JARID2: variants seen among roughly 807,000 people sequenced by gnomAD.
JARID2 encodes protein Jumonji.
A neutral mutation model predicts 125.6 loss-of-function variants in JARID2; 21 were observed. The ratio of observed to expected loss-of-function variants is 0.17; its 90% CI spans 0.12 to 0.24. The LOEUF (loss-of-function observed/expected upper bound fraction) is 0.24. Among genes scored for constraint, JARID2 ranks in the 10% least tolerant of loss-of-function variants. The probability of loss-of-function intolerance (pLI) is 1.00; values close to 1 mark genes in which losing one functional copy is unlikely to be tolerated. For synonymous variants in JARID2, 736 were observed against 661.6 expected, an observed-to-expected ratio of 1.11 and a Z score of -1.73; for missense variants, 1,303 against 1,639.6, an observed-to-expected ratio of 0.79 and a Z score of 3.55.
At chr6:15,409,827 A>C (rs958125376) in intron 2 of JARID2, among the ~76,000 whole-genome samples, 1 of 152,240 alleles carries the variant, frequency 6.6e-6, no homozygotes, top group African/African-American at 2.4e-5. Flanking sequence ...AGGCAATTCC[A>C]GAAAGGATTT....
At chr6:15,353,082 G>C (rs1283996609) in intron 1 of JARID2, among the ~76,000 whole-genome samples, 2 of 152,088 alleles carry the variant, frequency 1.3e-5, no homozygotes, top group African/African-American at 4.8e-5. Flanking sequence ...TGAATTTCTG[G>C]GTCACATGGC....
Position 15,422,903 on chromosome 6 carries a change from C to T in JARID2, c.323+12538C>T, listed in dbSNP as rs116422823. On this transcript the variant is annotated intron_variant, in intron 3 of 17. Coordinates refer to ENST00000341776, the MANE Select transcript of JARID2 (RefSeq NM_004973.4). ...GCAGCTCCTTTTTTCTCATTAATGA[C>T]GCCTGTTGTTGAGTCCATCTTGTCT... 7.5e-3 allele frequency among the ~76,000 whole-genome samples: 1,146 copies of T among 151,940 alleles called. 14 individuals are homozygous for T. Among genetic ancestry groups the T allele is most frequent in the African/African-American group, 0.026 (1,065 of 41,436 alleles).
chr6:15,398,053 A>C (rs1765283670), intron 2 of JARID2, among the ~76,000 whole-genome samples: 1 of 152,224 alleles, frequency 6.6e-6, no homozygotes, highest in Non-Finnish European at 1.5e-5. Context: ...GTTGGAAAAA[A>C]CCCAATTCCC....
At chr6:15,427,337 T>C (rs1232132145) in intron 3 of JARID2, among the ~76,000 whole-genome samples, 3 of 152,240 alleles carry the variant, frequency 2.0e-5, no homozygotes, top group Non-Finnish European at 4.4e-5. Context: ...CATTATTTGC[T>C]TCAGGCTCCT....
chr6:15,495,396 G>T (rs1455048644), intron 6 of JARID2, among the ~76,000 whole-genome samples: 1 of 152,156 alleles, frequency 6.6e-6, no homozygotes, highest in South Asian at 2.1e-4. Context: ...GTGTGCAGAC[G>T]AGGGTTGGCA....
rs377723819 is a variant in JARID2 at position 15,452,127 on chromosome 6, A to G, written c.445A>G (p.Lys149Glu). ...PPATQISDLS[K>E]RKPKTEDFLT... ...AGCTACTCAGATATCAGACCTCTCT[A>G]AAAGGAAGCCTAAGACAGAAGATTT... is the stretch of plus-strand genomic sequence containing the variant. The change falls in exon 4 of 18, where the codon AAA (lysine) becomes GAA (glutamate). Residue 149 changes from lysine (K) to glutamate (E), a missense_variant. Transcript: ENST00000341776. 1.9e-6 allele frequency: 3 copies of G among 1,614,118 alleles called. No individual in the cohort carries two copies.
At position 15,263,610 on chromosome 6, in the gene JARID2, T is replaced by G. The variant is rs1759969888; in HGVS notation, c.45+17026T>G. 2.0e-5 allele frequency among the ~76,000 whole-genome samples: 3 copies of G among 150,752 alleles called. No homozygotes were observed. The South Asian group carries it at 6.3e-4, about 32-fold the overall frequency. On this transcript the variant is annotated intron_variant, in intron 1 of 17. Transcript: ENST00000341776. Reference sequence around the variant, plus strand: ...CAGACAATTTTTTTTTTTTTTTTTTTGAGACAGAGTCTCACTTTGTCGCCC... The same window carrying G: ...CAGACAATTTTTTTTTTTTTTTTTTGGAGACAGAGTCTCACTTTGTCGCCC...
chr6:15,431,292 T>C (rs1394888216), intron 3 of JARID2, among the ~76,000 whole-genome samples: 1 of 152,164 alleles, frequency 6.6e-6, no homozygotes, highest in Non-Finnish European at 1.5e-5. Context: ...CTGTGAGTCT[T>C]CCTGATTAAT....
chr6:15,400,940 C>T (rs761801982), intron 2 of JARID2: 76 of 1,289,356 alleles, frequency 5.9e-5, no homozygotes, highest in South Asian at 9.9e-5. Flanking sequence ...TGCAATGATC[C>T]GGCTCTGAGG....
chr6:15,308,760 A>G (rs1761918651), intron 1 of JARID2, among the ~76,000 whole-genome samples: 1 of 152,244 alleles, frequency 6.6e-6, no homozygotes, highest in Non-Finnish European at 1.5e-5. Flanking sequence ...GTGGTCACTA[A>G]TGGAATCTGC....
chr6:15,248,156 A>G, intron 1 of JARID2: 1 of 900,998 alleles, frequency 1.1e-6, no homozygotes, highest in Non-Finnish European at 1.3e-6. Flanking sequence ...TGCGGGAGGC[A>G]CGGCACGAGT....
intron 2 of JARID2, among the ~76,000 whole-genome samples, chr6:15,378,664 CAG>C (rs1764464295): frequency 6.6e-6 from 1 of 152,106 alleles, no homozygotes; most frequent in South Asian, 2.1e-4. Flanking sequence ...TTTTGCAAGA[CAG>C]AATGCATGAA....
chr6:15,387,074 T>A (rs1197634933), intron 2 of JARID2, among the ~76,000 whole-genome samples: 1 of 152,188 alleles, frequency 6.6e-6, no homozygotes, highest in East Asian at 1.9e-4. Context: ...TGTTAATAAT[T>A]AAAAATTCTG....
intron 2 of JARID2, among the ~76,000 whole-genome samples, chr6:15,385,337 T>G (rs1376810477): frequency 1.3e-5 from 2 of 152,118 alleles, no homozygotes; most frequent in African/African-American, 4.8e-5. Flanking sequence ...TCCTTGAACA[T>G]TCTAGTAAAA....
chr6:15,299,065 T>C (rs1761512511), intron 1 of JARID2, among the ~76,000 whole-genome samples: 1 of 151,672 alleles, frequency 6.6e-6, no homozygotes, highest in African/African-American at 2.4e-5. Context: ...GCTTGGGTTC[T>C]AAGAGGATCA....
chr6:15,487,325 G>A lies in JARID2; in HGVS notation c.689G>A (p.Arg230Lys). Residue 230 changes from arginine (R) to lysine (K), a missense_variant, in exon 6 of 18, where the codon AGG (arginine) becomes AAG (lysine). Arg to Lys is a conservative substitution (Grantham distance 26, BLOSUM62 2). Transcript: ENST00000341776. The part of the protein sequence containing the change: ...HNGHVFNGSS[R>K]STREKEPVQK... ...TTTCTAGTTTTCAATGGTTCCAGCA[G>A]GTCAACACGGGAGAAGGAACCTGTT... The A allele has an allele frequency of 6.2e-7, 1 of 1,614,074 alleles. No homozygotes were observed. The highest frequency in any genetic ancestry group is 8.5e-7 in the Non-Finnish European group (1 of 1,179,962).
At chr6:15,517,935 G>A (rs536733228) in intron 17 of JARID2, among the ~76,000 whole-genome samples, 2 of 152,376 alleles carry the variant, frequency 1.3e-5, no homozygotes, top group South Asian at 4.1e-4. Flanking sequence ...TGAGGCCACT[G>A]AGTGGGGTGG....
intron 1 of JARID2, among the ~76,000 whole-genome samples, chr6:15,317,030 T>C (rs1012779515): frequency 9.2e-5 from 14 of 152,220 alleles, no homozygotes; most frequent in Admixed American, 2.6e-4. Flanking sequence ...GAATGAATCT[T>C]TTGTAGACAG....
At chr6:15,316,006 T>A (rs1174806757) in intron 1 of JARID2, among the ~76,000 whole-genome samples, 2 of 151,790 alleles carry the variant, frequency 1.3e-5, no homozygotes, top group African/African-American at 4.8e-5. Context: ...ACACGAGTCC[T>A]GCTTCCTTTT....
Sources: allele counts gnomAD v4.1 joint callset (sites outside exome capture counted in the v4.1 genomes callset), GRCh38; gene constraint gnomAD v4.1.1; transcripts MANE v1.5; gene names NCBI Gene and HGNC (gene_info 2026-07-23, HGNC 2026-07-21).